The following LRP1B variants were observed in gnomAD, a reference collection of about 807,000 sequenced individuals.
LRP1B encodes LDL receptor related protein 1B, also known as low-density lipoprotein receptor-related protein 1B.
In LRP1B, 217 loss-of-function variants were observed where a neutral mutation model predicts 556.6. The ratio of observed to expected loss-of-function variants is 0.39; its 90% CI spans 0.35 to 0.44. LRP1B has a LOEUF of 0.44. Ranked by LOEUF, LRP1B falls within the 20% of genes least tolerant of loss-of-function variation. The pLI is 1.00. For synonymous variants in LRP1B, 2,047 were observed against 1,865.8 expected (o/e 1.10, Z -2.50); for missense variants, 5,053 against 5,620.8 (o/e 0.90, Z 3.23).
At chr2:142,086,418 G>A (rs1705925003) in intron 1 of LRP1B, among the ~76,000 whole-genome samples, 1 of 152,106 alleles carries the variant, frequency 6.6e-6, no homozygotes, top group Non-Finnish European at 1.5e-5. Flanking sequence ...GACCATCCTG[G>A]CCAACATGGT....
At position 141,355,564 on chromosome 2, in the gene LRP1B, T is replaced by C. The variant is rs1688597281; in HGVS notation, c.344-100923A>G. 4.6e-5 allele frequency among the ~76,000 whole-genome samples: 7 copies of C among 152,262 alleles called. No homozygotes were observed. The South Asian group carries it at 1.4e-3, about 32-fold the overall frequency. ...GTCTTATTAAGAACTGTCAAATTTA[T>C]AATCATGCTTCATGGATGAATGTTA... On this transcript the variant is annotated intron_variant, in intron 3 of 90. Coordinates refer to ENST00000389484, the MANE Select transcript of LRP1B (RefSeq NM_018557.3).
intron 2 of LRP1B, among the ~76,000 whole-genome samples, chr2:141,590,404 T>C (rs979517085): frequency 2.0e-5 from 3 of 152,142 alleles, no homozygotes; most frequent in Non-Finnish European, 4.4e-5. Flanking sequence ...AAGCAATTTA[T>C]ACATATAAAA....
At chr2:141,624,203 T>C (rs1688624439) in intron 2 of LRP1B, among the ~76,000 whole-genome samples, 1 of 152,076 alleles carries the variant, frequency 6.6e-6, no homozygotes, top group African/African-American at 2.4e-5. Context: ...GGGTACAAGT[T>C]GTTTTTTATT....
At chr2:141,032,988 G>A (rs1698421386) in intron 11 of LRP1B, among the ~76,000 whole-genome samples, 1 of 151,942 alleles carries the variant, frequency 6.6e-6, no homozygotes, top group African/African-American at 2.4e-5. Flanking sequence ...ATCACAGCAA[G>A]GGGCCAGGCA....
intron 3 of LRP1B, among the ~76,000 whole-genome samples, chr2:141,382,163 T>C (rs1689665989): frequency 6.6e-6 from 1 of 152,178 alleles, no homozygotes. Flanking sequence ...TAGCGGCTCA[T>C]CTGCTCACTG....
chr2:140,453,420 T>C (rs914625366), intron 62 of LRP1B, among the ~76,000 whole-genome samples: 49 of 152,066 alleles, frequency 3.2e-4, no homozygotes, highest in African/African-American at 1.1e-3. Flanking sequence ...TTAAAAAAGA[T>C]TAATGCTAAA....
intron 3 of LRP1B, among the ~76,000 whole-genome samples, chr2:141,352,380 A>T (rs1317426148): frequency 2.6e-5 from 4 of 151,912 alleles, no homozygotes; most frequent in Admixed American, 6.6e-5. Flanking sequence ...GTGCCTTTTT[A>T]AAATTTTTTT....
chr2:141,813,407 G>A (rs1228214224), intron 1 of LRP1B, among the ~76,000 whole-genome samples: 1 of 152,076 alleles, frequency 6.6e-6, no homozygotes, highest in Admixed American at 6.6e-5. Flanking sequence ...TAAGGTGAGA[G>A]TGACACCCAT....
At chr2:141,195,566 A>G (rs1395337529) in intron 6 of LRP1B, among the ~76,000 whole-genome samples, 1 of 152,134 alleles carries the variant, frequency 6.6e-6, no homozygotes, top group Non-Finnish European at 1.5e-5. Flanking sequence ...GCTCTTGGCT[A>G]TCATTTTCTG....
chr2:141,355,949 A>G (rs778527689), intron 3 of LRP1B, among the ~76,000 whole-genome samples: 2 of 152,120 alleles, frequency 1.3e-5, no homozygotes, highest in Non-Finnish European at 2.9e-5. Context: ...TTCTCTGTCC[A>G]GGAATTACCT....
At chr2:140,627,185 A>G (rs867546479) in intron 41 of LRP1B, among the ~76,000 whole-genome samples, 5 of 152,148 alleles carry the variant, frequency 3.3e-5, no homozygotes, top group Non-Finnish European at 7.4e-5. Flanking sequence ...TTGTTTACCA[A>G]TTGTGAGGGT....
intron 19 of LRP1B, 49 bp from the exon 20 acceptor site, chr2:140,950,451 A>C (rs533382582): frequency 1.2e-5 from 18 of 1,460,640 alleles, no homozygotes; most frequent in Non-Finnish European, 1.6e-5. Context: ...CCATGAAGAA[A>C]TTTTTTCTTA....
intron 3 of LRP1B, among the ~76,000 whole-genome samples, chr2:141,425,060 C>T (rs191143436): frequency 7.0e-6 from 1 of 143,854 alleles, no homozygotes; most frequent in African/African-American, 2.6e-5. Context: ...CTAATGCTAT[C>T]CCTCCCCCGT....
At chr2:141,359,779 C>T (rs866235222) in intron 3 of LRP1B, among the ~76,000 whole-genome samples, 6 of 146,954 alleles carry the variant, frequency 4.1e-5, no homozygotes, top group Middle Eastern at 3.4e-3. Flanking sequence ...CGCCCCGCCC[C>T]GCCCCCCAAA....
At chr2:140,861,199 G>A (rs1692786934) in intron 27 of LRP1B, among the ~76,000 whole-genome samples, 1 of 152,136 alleles carries the variant, frequency 6.6e-6, no homozygotes, top group African/African-American at 2.4e-5. Context: ...CTGAGGTCAG[G>A]AGATCAATAT....
chr2:141,834,616 T>C (rs10203168), intron 1 of LRP1B, among the ~76,000 whole-genome samples: 25,488 of 151,776 alleles, frequency 0.17, 2,498 homozygotes, highest in African/African-American at 0.27. Flanking sequence ...GATTCTGAGA[T>C]TGATGTCCAA....
chr2:140,637,740 A>G (rs1684122893), intron 41 of LRP1B, among the ~76,000 whole-genome samples: 1 of 152,180 alleles, frequency 6.6e-6, no homozygotes, highest in Non-Finnish European at 1.5e-5. Flanking sequence ...TCCACCCTAT[A>G]GCTGCTTTTG....
chr2:140,804,478 A>G (rs1175649154), intron 32 of LRP1B, among the ~76,000 whole-genome samples: 7 of 152,002 alleles, frequency 4.6e-5, no homozygotes, highest in African/African-American at 1.7e-4. Context: ...TATATCTTAG[A>G]AAATTCATAA....
intron 1 of LRP1B, among the ~76,000 whole-genome samples, chr2:142,095,657 C>G (rs190444073): frequency 6.6e-6 from 1 of 151,684 alleles, no homozygotes; most frequent in African/African-American, 2.4e-5. Context: ...TATTCAGGTC[C>G]CAAATTTTCC....
Sources: gnomAD v4.1 joint callset for allele counts (sites outside exome capture counted in the v4.1 genomes callset) on GRCh38, gnomAD v4.1.1 for gene constraint, MANE v1.5 for transcripts, NCBI Gene and HGNC (gene_info 2026-07-23, HGNC 2026-07-21) for gene names.